The following RGS7BP variants were observed in gnomAD, a reference collection of about 807,000 sequenced individuals.
The protein encoded by RGS7BP is regulator of G protein signaling 7-binding protein.
In RGS7BP, 9 loss-of-function variants were observed where a neutral mutation model predicts 31.3. That is an observed-to-expected ratio of 0.29 (90% CI 0.17 to 0.50). The LOEUF is 0.50. Ranked by LOEUF, RGS7BP falls within the 20% of genes least tolerant of loss-of-function variation. RGS7BP has a pLI of 0.98. For missense variants in RGS7BP, 274 were observed against 322.0 expected, an observed-to-expected ratio of 0.85 and a Z score of 1.14; for synonymous variants, 115 against 120.1, an observed-to-expected ratio of 0.96 and a Z score of 0.28.
At chr5:64,545,416 TA>T (rs61554558) in intron 2 of RGS7BP, among the ~76,000 whole-genome samples, 2,119 of 143,966 alleles carry the variant, frequency 0.015, 39 homozygotes, top group African/African-American at 0.049. Context: ...GTGTAATAAT[TA>T]AAAAAAAAAA....
chr5:64,574,647 C>G (rs1207773616), intron 2 of RGS7BP, among the ~76,000 whole-genome samples: 1 of 152,140 alleles, frequency 6.6e-6, no homozygotes, highest in Non-Finnish European at 1.5e-5. Flanking sequence ...GTTAGATCAA[C>G]TCTTGCTCAT....
intron 2 of RGS7BP, among the ~76,000 whole-genome samples, chr5:64,567,153 A>G (rs1211570778): frequency 1.3e-5 from 2 of 150,108 alleles, no homozygotes; most frequent in African/African-American, 4.9e-5. Context: ...CACCCAGAGG[A>G]CCACCCAGAA....
At chr5:64,559,279 G>A (rs1035000523) in intron 2 of RGS7BP, among the ~76,000 whole-genome samples, 9 of 152,084 alleles carry the variant, frequency 5.9e-5, no homozygotes, top group Non-Finnish European at 1.0e-4. Context: ...CAGAGCGGCC[G>A]ACACTTATGG....
At chr5:64,514,181 G>A (rs979183306) in intron 2 of RGS7BP, among the ~76,000 whole-genome samples, 2 of 152,102 alleles carry the variant, frequency 1.3e-5, no homozygotes, top group Admixed American at 6.5e-5. Flanking sequence ...TTTTTTACAA[G>A]GACAGTAGTC....
rs1580437975 is a variant in RGS7BP, at chr5:64,567,286, C to T, written c.333-8488C>T. Among the ~76,000 whole-genome samples the T allele has an allele frequency of 2.0e-5, 3 of 152,022 alleles. No individual in the cohort carries two copies. The South Asian group carries it at 6.2e-4, about 32-fold the overall frequency. On this transcript the variant is annotated intron_variant, in intron 2 of 5. Transcript: ENST00000334025. ...CAGCCTCTCACATGGAAGAGGAGTC[C>T]GTTTGGAACTGGCAAACACATGGAT...
At chr5:64,563,662 A>G (rs922559377) in intron 2 of RGS7BP, among the ~76,000 whole-genome samples, 4 of 152,088 alleles carry the variant, frequency 2.6e-5, no homozygotes, top group Non-Finnish European at 5.9e-5. Context: ...TTCATCTTGA[A>G]CTTCCAGCCT....
At chr5:64,547,418 A>C (rs1262511334) in intron 2 of RGS7BP, among the ~76,000 whole-genome samples, 1 of 152,198 alleles carries the variant, frequency 6.6e-6, no homozygotes, top group Non-Finnish European at 1.5e-5. Context: ...GCCTCTGGTG[A>C]GCAGACATTT....
rs190692587 is a variant in RGS7BP, at chr5:64,543,672, G to T, written c.333-32102G>T. On this transcript the variant is annotated intron_variant, in intron 2 of 5. Coordinates refer to ENST00000334025, the MANE Select transcript of RGS7BP (RefSeq NM_001029875.3). Reference sequence around the variant, plus strand: ...AGGTATAACCAATCACCTGTGGATAGGGTGGCAGGGTCATGCAAGAAAATG... The same window carrying T: ...AGGTATAACCAATCACCTGTGGATATGGTGGCAGGGTCATGCAAGAAAATG... 3.4e-4 allele frequency among the ~76,000 whole-genome samples: 52 copies of T among 152,366 alleles called. 1 individual carries two copies. In the East Asian group the frequency reaches 9.7e-3, roughly 28 times the overall value.
intron 5 of RGS7BP, among the ~76,000 whole-genome samples, chr5:64,602,529 C>A (rs1743246037): frequency 6.6e-6 from 1 of 152,170 alleles, no homozygotes; most frequent in Admixed American, 6.5e-5. Context: ...TAATGGTCAC[C>A]AATGATGTGT....
At chr5:64,532,297 C>T (rs1264077482) in intron 2 of RGS7BP, among the ~76,000 whole-genome samples, 1 of 134,210 alleles carries the variant, frequency 7.5e-6, no homozygotes, top group Non-Finnish European at 1.6e-5. Context: ...GTTGTAATAT[C>T]CTTTTTTTTT....
At chr5:64,571,614 T>C (rs1015351070) in intron 2 of RGS7BP, among the ~76,000 whole-genome samples, 93 of 152,276 alleles carry the variant, frequency 6.1e-4, no homozygotes, top group African/African-American at 2.2e-3. Context: ...TTAGCCATTC[T>C]GGTAAGCCTT....
Position 64,609,231 on chromosome 5 carries a change from G to T in RGS7BP, c.753G>T (p.Leu251=). 6.2e-7 allele frequency: 1 copy of T among 1,607,048 alleles called. No individual in the cohort carries two copies. Among genetic ancestry groups the T allele is most frequent in the Non-Finnish European group, 8.5e-7 (1 of 1,173,942 alleles). Residue 251 remains leucine, a synonymous_variant, in exon 6 of 6, where the codon CTG becomes CTT. Transcript: ENST00000334025. ...VRRRKRRFFG[L]CCLISS ...GACGGAAGAGAAGGTTCTTTGGGCTGTGTTGTCTCATCTCAAGCTAGGTGG... is the reference window on the plus strand; with the variant it reads ...GACGGAAGAGAAGGTTCTTTGGGCTTTGTTGTCTCATCTCAAGCTAGGTGG...
chr5:64,525,385 G>A (rs1255387882), intron 2 of RGS7BP, among the ~76,000 whole-genome samples: 2 of 152,128 alleles, frequency 1.3e-5, no homozygotes, highest in African/African-American at 4.8e-5. Flanking sequence ...TTTTTGTTGT[G>A]GTTTTAGACT....
intron 3 of RGS7BP, among the ~76,000 whole-genome samples, chr5:64,584,557 T>C (rs1191353705): frequency 6.6e-6 from 1 of 152,206 alleles, no homozygotes; most frequent in Non-Finnish European, 1.5e-5. Context: ...CCCATAAGGA[T>C]ATCCTTTGAA....
intron 5 of RGS7BP, among the ~76,000 whole-genome samples, chr5:64,605,345 T>C (rs1409014419): frequency 6.6e-6 from 1 of 152,152 alleles, no homozygotes; most frequent in Non-Finnish European, 1.5e-5. Context: ...AACATTCCCT[T>C]TTGCTTACAT....
chr5:64,545,042 G>C (rs1428579190), intron 2 of RGS7BP, among the ~76,000 whole-genome samples: 2 of 152,126 alleles, frequency 1.3e-5, no homozygotes, highest in African/African-American at 2.4e-5. Flanking sequence ...CGGGTGTGGT[G>C]GTGGGCACCT....
chr5:64,518,089 C>T (rs1340616988), intron 2 of RGS7BP, among the ~76,000 whole-genome samples: 1 of 152,044 alleles, frequency 6.6e-6, no homozygotes, highest in African/African-American at 2.4e-5. Flanking sequence ...TCATAATGAG[C>T]TCATTAAGGG....
intron 2 of RGS7BP, among the ~76,000 whole-genome samples, chr5:64,559,029 T>A (rs1741989832): frequency 6.6e-6 from 1 of 152,176 alleles, no homozygotes; most frequent in Non-Finnish European, 1.5e-5. Context: ...GTAATTCTAG[T>A]TTTGCCCTGA....
chr5:64,598,580 A>G (rs551938904), intron 5 of RGS7BP, 145 bp downstream of exon 5: 45 of 681,822 alleles, frequency 6.6e-5, no homozygotes, highest in East Asian at 4.5e-4. Flanking sequence ...GAAGATATCA[A>G]AATGAGACTA....
Sources: allele counts gnomAD v4.1 joint callset (sites outside exome capture counted in the v4.1 genomes callset), GRCh38; gene constraint gnomAD v4.1.1; transcripts MANE v1.5; gene names NCBI Gene and HGNC (gene_info 2026-07-23, HGNC 2026-07-21).